DYDC2: variants seen among roughly 807,000 people sequenced by gnomAD.
DYDC2 encodes DPY30 domain containing 2.
Under a neutral mutation model 18.7 loss-of-function variants are expected in DYDC2, and 19 were observed. The observed-to-expected ratio is 1.02, with a 90% confidence interval of 0.71 to 1.49. The LOEUF (loss-of-function observed/expected upper bound fraction) is 1.49. DYDC2 is among the 40% of genes most tolerant of loss of function. The probability of loss-of-function intolerance (pLI) is 0.00; values close to 1 mark genes in which losing one functional copy is unlikely to be tolerated. For synonymous variants in DYDC2, 63 were observed against 67.6 expected (o/e 0.93, Z 0.34); for missense variants, 179 against 205.1 (o/e 0.87, Z 0.78).
intron 3 of DYDC2, 73 bp from the exon 4 acceptor site, chr10:80,362,877 TC>T: frequency 6.4e-7 from 1 of 1,556,752 alleles, no homozygotes; most frequent in Non-Finnish European, 8.7e-7. Flanking sequence ...CCCATATCAG[TC>T]CCCAGTGAGG....
intron 2 of DYDC2, among the ~76,000 whole-genome samples, chr10:80,358,607 T>C (rs969478063): frequency 1.3e-5 from 2 of 152,056 alleles, no homozygotes; most frequent in Non-Finnish European, 2.9e-5. Context: ...GAATGCAGAG[T>C]TGGTGATTCT....
intron 2 of DYDC2, among the ~76,000 whole-genome samples, chr10:80,359,863 G>A (rs532765451): frequency 5.9e-5 from 9 of 152,216 alleles, no homozygotes; most frequent in African/African-American, 2.2e-4. Context: ...TTTCCCGCCC[G>A]CGCCTCTCCC....
upstream of DYDC2, among the ~76,000 whole-genome samples, chr10:80,353,151 G>GA (rs112021487): frequency 1.5e-3 from 212 of 145,656 alleles, no homozygotes; most frequent in South Asian, 4.6e-3. Context: ...TCCACCTTTT[G>GA]AAAAAAAAAA....
intron 1 of DYDC2, among the ~76,000 whole-genome samples, chr10:80,346,701 C>CT (rs1251768447): frequency 6.6e-6 from 1 of 151,284 alleles, no homozygotes; most frequent in Non-Finnish European, 1.5e-5. Context: ...ACTTTGTGAT[C>CT]TGCCCGCCTC....
At chr10:80,353,001 A>C (rs1843096480), upstream of DYDC2, among the ~76,000 whole-genome samples, 1 of 152,316 alleles carries the variant, frequency 6.6e-6, no homozygotes, top group South Asian at 2.1e-4. Context: ...GCGTAAGTGC[A>C]CAGTTCAGGA....
rs1485638474 is a variant in DYDC2, at chr10:80,363,529, T to C, written c.270+456T>C. On this transcript the variant is annotated intron_variant, in intron 4 of 4. Transcript: ENST00000256039. ...CCGGCTAATTTTTTTTTTTTTTTTT[T>C]AGTAGAGACAGGGTTTTACCATGTT... is the stretch of plus-strand genomic sequence containing the variant. 2.7e-5 allele frequency among the ~76,000 whole-genome samples: 4 copies of C among 150,172 alleles called. No individual in the cohort carries two copies. The South Asian group carries it at 8.4e-4, about 32-fold the overall frequency.
At chr10:80,366,082 G>T (rs1276793511) in intron 4 of DYDC2, among the ~76,000 whole-genome samples, 1 of 135,498 alleles carries the variant, frequency 7.4e-6, no homozygotes, top group Admixed American at 8.1e-5. Flanking sequence ...ACCCAAGCTG[G>T]AGTGCAGTGG....
upstream of DYDC2, among the ~76,000 whole-genome samples, chr10:80,354,143 TA>T (rs1843195522): frequency 2.0e-5 from 3 of 148,712 alleles, no homozygotes; most frequent in African/African-American, 7.4e-5. Flanking sequence ...TATATATATA[TA>T]TTTTTTCCTG....
At chr10:80,344,918 A>G (rs567555092) in intron 1 of DYDC2, 194 of 154,766 alleles carry the variant, frequency 1.3e-3, no homozygotes, top group Non-Finnish European at 1.9e-3. Flanking sequence ...TACAGACAAG[A>G]GCATTTTCAA....
At chr10:80,364,381 T>G (rs923280088) in intron 4 of DYDC2, among the ~76,000 whole-genome samples, 6 of 152,166 alleles carry the variant, frequency 3.9e-5, no homozygotes, top group Non-Finnish European at 7.4e-5. Flanking sequence ...TTCAGCAAAA[T>G]TTGTCATCAC....
rs780733382 is a variant in DYDC2, at chr10:80,366,930, T to C, written c.513T>C (p.Pro171=). The stretch of plus-strand genomic sequence containing the variant: ...ATGAAGTTGCTCATGAAATGCCTCC[T>C]GGCTCCAAATCTCCTTTTTAGGTTA... The part of the protein sequence containing the change: ...FQHEVAHEMP[P]GSKSPF Residue 171 remains proline (P), a synonymous_variant, in exon 5 of 5, where the codon CCT becomes CCC. Transcript: ENST00000256039. The C allele has an allele frequency of 8.1e-6, 13 of 1,613,386 alleles. No homozygotes were observed. In the African/African-American group the frequency reaches 1.6e-4, roughly 20 times the overall value.
At chr10:80,362,917 G>A in intron 3 of DYDC2, 34 bp from the exon 4 acceptor site, 1 of 1,603,102 alleles carries the variant, frequency 6.2e-7, no homozygotes, top group Non-Finnish European at 8.5e-7. Flanking sequence ...TTCCCTGGTT[G>A]CTGACCTGAT....
chr10:80,365,135 GT>G (rs1206611206), intron 4 of DYDC2, among the ~76,000 whole-genome samples: 6 of 152,040 alleles, frequency 3.9e-5, no homozygotes, highest in African/African-American at 1.2e-4. Flanking sequence ...AAGCTTTGCA[GT>G]TTTTTCCTTG....
chr10:80,359,635 C>G (rs997838403), intron 2 of DYDC2, among the ~76,000 whole-genome samples: 1 of 152,240 alleles, frequency 6.6e-6, no homozygotes, highest in South Asian at 2.1e-4. Flanking sequence ...TCCGGAGCCC[C>G]GTGGGGAGGC....
At position 80,367,532 on chromosome 10, in the gene DYDC2, G is replaced by A. The variant is rs41284082; in HGVS notation, c.*581G>A. 3,043 of 152,498 alleles carry A rather than the reference G, an allele frequency of 0.02. 39 individuals carry two copies. Among genetic ancestry groups the A allele is most frequent in the Non-Finnish European group, 0.03 (2,044 of 68,210 alleles). 9.4% of individuals were successfully genotyped at this position (152,498 alleles called of 1,614,324 possible). On this transcript the variant is annotated 3_prime_UTR_variant, in exon 5 of 5. Transcript: ENST00000256039. ...ATAATGGGAGTGCTAGAAGCAAGGA[G>A]CCAGCAAGTCTGGACACATTACAAA...
chr10:80,365,683 C>G lies in DYDC2; in HGVS notation c.271-1005C>G, dbSNP rs150682757. ...CTCAGCCAGGGACATGGATGTTAGA[C>G]TGCTCAATATTGTCTCATAGGTCAC... On this transcript the variant is annotated intron_variant, in intron 4 of 4. Coordinates refer to ENST00000256039, the MANE Select transcript of DYDC2 (RefSeq NM_032372.6). Among the ~76,000 whole-genome samples, 86 of 152,248 alleles carry G rather than the reference C, an allele frequency of 5.6e-4. 3 individuals are homozygous for G. In the South Asian group the frequency reaches 9.1e-3, roughly 16 times the overall value.
At chr10:80,359,865 G>A (rs987423607) in intron 2 of DYDC2, among the ~76,000 whole-genome samples, 10 of 152,220 alleles carry the variant, frequency 6.6e-5, no homozygotes, top group South Asian at 2.1e-4. Flanking sequence ...TCCCGCCCGC[G>A]CCTCTCCCTC....
upstream of DYDC2, among the ~76,000 whole-genome samples, chr10:80,353,212 A>C (rs1184449383): frequency 6.6e-6 from 1 of 152,060 alleles, no homozygotes; most frequent in African/African-American, 2.4e-5. Context: ...CCAAATAATA[A>C]CATATGAAGC....
At chr10:80,347,272 GATCCTTTT>G (rs368627350) in intron 1 of DYDC2, among the ~76,000 whole-genome samples, 2 of 61,470 alleles carry the variant, frequency 3.3e-5, no homozygotes, top group Non-Finnish European at 5.8e-5. Flanking sequence ...TTTTAATTGG[GATCCTTTT>G]TTTTTTTTTT....
Sources: allele counts gnomAD v4.1 joint callset (sites outside exome capture counted in the v4.1 genomes callset), GRCh38; gene constraint gnomAD v4.1.1; transcripts MANE v1.5; gene names NCBI Gene and HGNC (gene_info 2026-07-23, HGNC 2026-07-21).